The following E2F3 variants were observed in gnomAD, a reference collection of about 807,000 sequenced individuals.
The protein encoded by E2F3 is transcription factor E2F3.
Under a neutral mutation model 44.4 loss-of-function variants are expected in E2F3, and 11 were observed. The ratio of observed to expected loss-of-function variants is 0.25; its 90% confidence interval spans 0.16 to 0.41. The LOEUF (loss-of-function observed/expected upper bound fraction) is 0.41, where lower values mean the gene tolerates loss of function less well. Among genes scored for constraint, E2F3 ranks in the 10% least tolerant of loss-of-function variants. The pLI is 1.00. For missense variants in E2F3, 487 were observed against 583.6 expected (o/e 0.83, Z 1.70); for synonymous variants, 249 against 253.0 (o/e 0.98, Z 0.15).
At chr6:20,426,488 T>C (rs866952972) in intron 1 of E2F3, among the ~76,000 whole-genome samples, 1 of 152,246 alleles carries the variant, frequency 6.6e-6, no homozygotes, top group Non-Finnish European at 1.5e-5. Context: ...ATTTTGTGAT[T>C]TATTTAGCAC....
chr6:20,469,294 C>G (rs866900604), intron 1 of E2F3, among the ~76,000 whole-genome samples: 1 of 152,020 alleles, frequency 6.6e-6, no homozygotes, highest in Non-Finnish European at 1.5e-5. Context: ...AGATGGGTAT[C>G]GTATCATTGA....
At chr6:20,453,906 A>T (rs1761224745) in intron 1 of E2F3, among the ~76,000 whole-genome samples, 1 of 152,208 alleles carries the variant, frequency 6.6e-6, no homozygotes, top group South Asian at 2.1e-4. Context: ...TTAACTCAAG[A>T]CAGCTCTTCC....
chr6:20,472,772 C>T (rs1761935115), intron 1 of E2F3, among the ~76,000 whole-genome samples: 2 of 152,112 alleles, frequency 1.3e-5, no homozygotes, highest in Admixed American at 6.5e-5. Flanking sequence ...TAATACCTAC[C>T]CCACAATGCC....
At chr6:20,414,160 G>T (rs1228713301) in intron 1 of E2F3, among the ~76,000 whole-genome samples, 1 of 152,178 alleles carries the variant, frequency 6.6e-6, no homozygotes, top group Non-Finnish European at 1.5e-5. Flanking sequence ...ACAAATAAAA[G>T]AAATTTAACA....
In E2F3 at chr6:20,448,386, T is replaced by C. The variant is rs75511289; in HGVS notation, c.394-31460T>C. Among the ~76,000 whole-genome samples the C allele has an allele frequency of 3.5e-3, 540 of 152,294 alleles. 4 individuals carry two copies. Among genetic ancestry groups the C allele is most frequent in the African/African-American group, 0.012 (514 of 41,550 alleles). ...TTTTCTTGCTGTGTTGTATGACAGA[T>C]AATCAGAAATGTAACTCTGGTGCCT... On this transcript the variant is annotated intron_variant, in intron 1 of 6. Transcript: ENST00000346618.
At chr6:20,442,726 T>C (rs1760817357) in intron 1 of E2F3, among the ~76,000 whole-genome samples, 1 of 152,100 alleles carries the variant, frequency 6.6e-6, no homozygotes, top group Admixed American at 6.6e-5. Context: ...CCCAGCACTT[T>C]GGGAGGCCGA....
chr6:20,403,689 T>A, intron 1 of E2F3: 6 of 376,942 alleles, frequency 1.6e-5, no homozygotes, highest in South Asian at 2.9e-5. Flanking sequence ...ACCGCCACCC[T>A]CCCTCTCCTC....
chr6:20,484,571 T>C (rs1325310568), intron 4 of E2F3, among the ~76,000 whole-genome samples: 1 of 152,164 alleles, frequency 6.6e-6, no homozygotes. Flanking sequence ...TGGCCCTCTA[T>C]AAAGGCATCC....
intron 4 of E2F3, 111 bp downstream of exon 4, chr6:20,483,031 G>C: frequency 6.7e-7 from 1 of 1,490,416 alleles, no homozygotes; most frequent in Non-Finnish European, 9.2e-7. Flanking sequence ...TCATGCAAAT[G>C]AGTACCTGTG....
At chr6:20,488,898 G>T (rs1221949848) in intron 6 of E2F3, among the ~76,000 whole-genome samples, 1 of 152,112 alleles carries the variant, frequency 6.6e-6, no homozygotes, top group Non-Finnish European at 1.5e-5. Flanking sequence ...GGAGGCTGAG[G>T]CAGGAGAATC....
chr6:20,414,161 A>G (rs929550494), intron 1 of E2F3, among the ~76,000 whole-genome samples: 4 of 152,220 alleles, frequency 2.6e-5, no homozygotes, highest in Non-Finnish European at 5.9e-5. Flanking sequence ...CAAATAAAAG[A>G]AATTTAACAT....
chr6:20,489,432 A>C (rs9460512), intron 6 of E2F3, among the ~76,000 whole-genome samples: 52,691 of 151,376 alleles, frequency 0.35, 10,330 homozygotes, highest in East Asian at 0.6. Context: ...GTGAATAGCC[A>C]CTACACTCCA....
intron 5 of E2F3, 149 bp downstream of exon 5, chr6:20,486,952 A>G (rs188216460): frequency 1.7e-6 from 1 of 585,002 alleles, no homozygotes; most frequent in East Asian, 2.9e-5. Flanking sequence ...ACATTTGAAA[A>G]CATTTCAATG....
At chr6:20,429,589 A>G (rs1410595619) in intron 1 of E2F3, among the ~76,000 whole-genome samples, 1 of 152,192 alleles carries the variant, frequency 6.6e-6, no homozygotes, top group Admixed American at 6.5e-5. Flanking sequence ...TTTTCCGGAA[A>G]GTCTAGGACC....
chr6:20,473,582 A>G (rs554926032), intron 1 of E2F3, among the ~76,000 whole-genome samples: 1 of 152,334 alleles, frequency 6.6e-6, no homozygotes, highest in East Asian at 1.9e-4. Flanking sequence ...CCTTATACCA[A>G]AAAGGGATAT....
intron 3 of E2F3, among the ~76,000 whole-genome samples, 166 bp from the exon 4 acceptor site, chr6:20,482,596 A>G (rs1762263944): frequency 8.1e-6 from 1 of 122,716 alleles, no homozygotes; most frequent in Admixed American, 8.3e-5. Context: ...TTATGAAAAA[A>G]AAAATATATA....
chr6:20,471,653 T>C (rs1483983137), intron 1 of E2F3, among the ~76,000 whole-genome samples: 1 of 152,172 alleles, frequency 6.6e-6, no homozygotes, highest in Admixed American at 6.5e-5. Context: ...TGTGCTGTTT[T>C]TAATAGACAA....
Position 20,401,897 on chromosome 6 carries a change from C to G in E2F3, c.-336C>G, listed in dbSNP as rs1759315020. 1 of 378,250 alleles carries G rather than the reference C, an allele frequency of 2.6e-6. No homozygotes were observed. Among genetic ancestry groups the G allele is most frequent in the Admixed American group, 4.5e-5 (1 of 22,408 alleles). 23.4% of individuals were successfully genotyped at this position (378,250 alleles called of 1,614,324 possible). On this transcript the variant is annotated 5_prime_UTR_variant, in exon 1 of 7. Transcript: ENST00000346618. ...TCCCTTCATTCATTGTCAGCAGCAG[C>G]TTCCTGGAGCCATTTTTCAGCTGCC...
chr6:20,480,011 T>G (rs1033804019), intron 2 of E2F3, 54 bp downstream of exon 2: 1 of 1,548,864 alleles, frequency 6.5e-7, no homozygotes, highest in African/African-American at 1.4e-5. Context: ...ATTTCCAAGT[T>G]TCAAAGCTTA....
Sources: allele counts gnomAD v4.1 joint callset (sites outside exome capture counted in the v4.1 genomes callset), GRCh38; gene constraint gnomAD v4.1.1; transcripts MANE v1.5; gene names NCBI Gene and HGNC (gene_info 2026-07-23, HGNC 2026-07-21).